NDST3: variants seen among roughly 807,000 people sequenced by gnomAD.
NDST3 encodes N-deacetylase and N-sulfotransferase 3.
A neutral mutation model predicts 96.1 loss-of-function variants in NDST3; 58 were observed. The ratio of observed to expected loss-of-function variants is 0.60; its 90% CI spans 0.49 to 0.75. NDST3 has a LOEUF of 0.75. NDST3 is among the 30% of genes least tolerant of loss of function. NDST3 has a pLI of 0.00. For missense variants in NDST3, 788 were observed against 1,034.2 expected (o/e 0.76, Z 3.27); for synonymous variants, 333 against 359.7 (o/e 0.93, Z 0.84).
chr4:118,088,479 C>T (rs1687749042), intron 2 of NDST3, among the ~76,000 whole-genome samples: 1 of 151,938 alleles, frequency 6.6e-6, no homozygotes, highest in South Asian at 2.1e-4. Flanking sequence ...TAATGAGTAG[C>T]CAAGGTAATA....
intron 6 of NDST3, among the ~76,000 whole-genome samples, chr4:118,186,617 A>G (rs1454318448): frequency 2.6e-5 from 4 of 152,210 alleles, no homozygotes; most frequent in Non-Finnish European, 4.4e-5. Context: ...CACTCAGATT[A>G]AAGTGGGTCT....
At chr4:118,105,295 T>C (rs1470662493) in intron 3 of NDST3, among the ~76,000 whole-genome samples, 190 bp downstream of exon 3, 1 of 152,196 alleles carries the variant, frequency 6.6e-6, no homozygotes, top group Non-Finnish European at 1.5e-5. Flanking sequence ...TATGGAACTA[T>C]CTGATGGCCT....
In NDST3 at chr4:118,054,308, A is replaced by T. The variant is rs1725269838; in HGVS notation, c.398A>T (p.Tyr133Phe). Residue 133 changes from tyrosine (Y) to phenylalanine (F), a missense_variant, in exon 2 of 14, where the codon TAT becomes TTT. By Grantham distance (22) the Tyr-to-Phe change is conservative (BLOSUM62 3). This residue lies in a region of NDST3 where 234 missense variants were observed against 256.9 expected (regional missense o/e 0.91). Coordinates refer to ENST00000296499, the MANE Select transcript of NDST3 (RefSeq NM_004784.3). Reference protein sequence around the residue: ...KMKGKYILIIYENILKYINMD... With the variant: ...KMKGKYILIIFENILKYINMD... Reference sequence around the variant, plus strand: ...AAAGGCAAATACATTCTCATTATTTATGAGAATATTTTAAAGTATATAAAT... The same window carrying T: ...AAAGGCAAATACATTCTCATTATTTTTGAGAATATTTTAAAGTATATAAAT... 1 of 1,610,570 alleles carries T rather than the reference A, an allele frequency of 6.2e-7. No homozygotes were observed. The highest frequency in any genetic ancestry group is 1.1e-5 in the South Asian group (1 of 90,790).
intron 6 of NDST3, among the ~76,000 whole-genome samples, chr4:118,163,984 A>G (rs1218329256): frequency 6.6e-6 from 1 of 152,144 alleles, no homozygotes; most frequent in Admixed American, 6.5e-5. Context: ...TGATCCAGCA[A>G]TCCCATTACT....
In NDST3 at chr4:118,109,379, C is replaced by T. The variant is rs534576327; in HGVS notation, c.1069+4274C>T. 2.6e-5 allele frequency among the ~76,000 whole-genome samples: 4 copies of T among 152,262 alleles called. No individual in the cohort carries two copies. In the East Asian group the frequency reaches 7.7e-4, roughly 29 times the overall value. On this transcript the variant is annotated intron_variant, in intron 3 of 13. Coordinates refer to ENST00000296499, the MANE Select transcript of NDST3 (RefSeq NM_004784.3). ...ACAGCCCAGATATGCTCAAGAAATACAAGAAAACACTCCTGGCAACTCCAT... is the reference window on the plus strand; with the variant it reads ...ACAGCCCAGATATGCTCAAGAAATATAAGAAAACACTCCTGGCAACTCCAT...
chr4:118,137,298 T>C (rs1435649749), intron 4 of NDST3, among the ~76,000 whole-genome samples: 1 of 152,084 alleles, frequency 6.6e-6, no homozygotes, highest in East Asian at 1.9e-4. Flanking sequence ...GGGTGTTCTA[T>C]TTCTAAAAGA....
intron 6 of NDST3, among the ~76,000 whole-genome samples, chr4:118,185,972 T>C (rs9991787): frequency 0.05 from 7,551 of 152,172 alleles, 369 homozygotes; most frequent in African/African-American, 0.12. Context: ...ACTATTACCA[T>C]CATAATTTTA....
In NDST3 at chr4:118,061,127, G is replaced by A. The variant is rs200020966; in HGVS notation, c.981+6236G>A. ...TCCAGTGTCTTTATCTCTGCTACACGCCCAGCTCCTTTTCCCTCACGCTAC... is the reference window on the plus strand; with the variant it reads ...TCCAGTGTCTTTATCTCTGCTACACACCCAGCTCCTTTTCCCTCACGCTAC... On this transcript the variant is annotated intron_variant, in intron 2 of 13. Transcript: ENST00000296499. Among the ~76,000 whole-genome samples, 6 of 151,928 alleles carry A rather than the reference G, an allele frequency of 3.9e-5. No homozygotes were observed. The East Asian group carries it at 7.7e-4, about 20-fold the overall frequency.
At chr4:118,157,525 C>T (rs1014321186) in intron 6 of NDST3, among the ~76,000 whole-genome samples, 9 of 151,364 alleles carry the variant, frequency 5.9e-5, no homozygotes, top group Admixed American at 4.6e-4. Context: ...CAGGTAGCAG[C>T]GATTCTCCTG....
chr4:118,094,885 C>T (rs773030767), intron 2 of NDST3, among the ~76,000 whole-genome samples: 1 of 151,620 alleles, frequency 6.6e-6, no homozygotes, highest in Non-Finnish European at 1.5e-5. Context: ...GCAGAGAATC[C>T]AGGTATAGCG....
intron 2 of NDST3, among the ~76,000 whole-genome samples, chr4:118,084,540 G>C (rs1197360490): frequency 6.6e-6 from 1 of 152,102 alleles, no homozygotes; most frequent in Non-Finnish European, 1.5e-5. Context: ...TTTAATGACA[G>C]TGTGACATCT....
intron 2 of NDST3, among the ~76,000 whole-genome samples, chr4:118,066,224 TTA>T (rs1238658617): frequency 3.2e-4 from 22 of 67,984 alleles, no homozygotes; most frequent in African/African-American, 1.1e-3. Flanking sequence ...ACATAATATA[TTA>T]TATATATTAT....
intron 5 of NDST3, 80 bp from the exon 6 acceptor site, chr4:118,143,476 T>C (rs1733712183): frequency 6.9e-7 from 1 of 1,453,690 alleles, no homozygotes; most frequent in African/African-American, 1.4e-5. Flanking sequence ...TGCATCATCT[T>C]GTGTGAGCAA....
chr4:118,055,081 A>C, intron 2 of NDST3, 190 bp downstream of exon 2: 1 of 727,238 alleles, frequency 1.4e-6, no homozygotes, highest in Non-Finnish European at 2.3e-6. Context: ...CAAGAAAAAT[A>C]AAGATTTTAC....
At chr4:118,093,106 CTGAG>C (rs2125833559) in intron 2 of NDST3, among the ~76,000 whole-genome samples, 1 of 151,964 alleles carries the variant, frequency 6.6e-6, no homozygotes, top group South Asian at 2.1e-4. Flanking sequence ...TGCGCTGGAA[CTGAG>C]TGAGAATGAA....
intron 2 of NDST3, among the ~76,000 whole-genome samples, chr4:118,067,184 A>C (rs553236441): frequency 6.6e-5 from 10 of 151,878 alleles, no homozygotes; most frequent in African/African-American, 2.4e-4. Context: ...TACTTCTAGG[A>C]AATTTTGTAT....
chr4:118,034,740 A>G (rs2110413957), intron 1 of NDST3, 148 bp downstream of exon 1: 2 of 152,262 alleles, frequency 1.3e-5, no homozygotes, highest in East Asian at 3.8e-4. Flanking sequence ...AGAAATATAG[A>G]GTATTTTGAT....
intron 1 of NDST3, among the ~76,000 whole-genome samples, chr4:118,042,048 T>C (rs1724501485): frequency 6.6e-6 from 1 of 152,226 alleles, no homozygotes; most frequent in Admixed American, 6.5e-5. Context: ...GCCTGTAACC[T>C]GTCAATTCCA....
chr4:118,083,842 T>C (rs1728207314), intron 2 of NDST3, among the ~76,000 whole-genome samples: 1 of 152,162 alleles, frequency 6.6e-6, no homozygotes, highest in African/African-American at 2.4e-5. Flanking sequence ...TGTCTCACTC[T>C]AGTCTGACTC....
Sources: allele counts gnomAD v4.1 joint callset (sites outside exome capture counted in the v4.1 genomes callset), GRCh38; gene constraint gnomAD v4.1.1; regional missense constraint gnomAD v4.1.1; transcripts MANE v1.5; gene names NCBI Gene and HGNC (gene_info 2026-07-23, HGNC 2026-07-21).